SHROOM2: variants seen among roughly 807,000 people sequenced by gnomAD.
SHROOM2 encodes the protein shroom family member 2, also known as protein Shroom2.
In SHROOM2, 33 loss-of-function variants were observed where a neutral mutation model predicts 75.9. The ratio of observed to expected loss-of-function variants is 0.43; its 90% CI spans 0.33 to 0.58. The LOEUF (loss-of-function observed/expected upper bound fraction) is 0.58. SHROOM2 is among the 20% of genes least tolerant of loss of function. The pLI is 0.04. For synonymous variants in SHROOM2, 655 were observed against 663.6 expected, an observed-to-expected ratio of 0.99 and a Z score of 0.20; for missense variants, 1,434 against 1,461.2, an observed-to-expected ratio of 0.98 and a Z score of 0.30.
At chrX:9,791,866 A>G (rs2083649716) in intron 1 of SHROOM2, among the ~76,000 whole-genome samples, 1 of 109,132 alleles carries the variant, frequency 9.2e-6, no homozygotes. Context: ...GTGGTGGTGC[A>G]TGCCTGTAAT....
At chrX:9,835,307 C>T (rs762066546) in intron 1 of SHROOM2, among the ~76,000 whole-genome samples, 1 of 111,769 alleles carries the variant, frequency 8.9e-6, no homozygotes, top group African/African-American at 3.3e-5. Flanking sequence ...AAATAATTCC[C>T]GGGGCTCTGT....
At chrX:9,873,137 C>T (rs978370120) in intron 1 of SHROOM2, among the ~76,000 whole-genome samples, 14 of 111,907 alleles carry the variant, frequency 1.3e-4, no homozygotes, top group Middle Eastern at 9.2e-3. Context: ...GGATTGGAAA[C>T]CGAGTAGTAA....
Position 9,932,336 on chromosome X carries a change from AT to A in SHROOM2, c.3055del (p.Tyr1019IlefsTer33). The A allele has an allele frequency of 8.3e-7, 1 of 1,209,923 alleles. No homozygotes were observed. Among genetic ancestry groups the A allele is most frequent in the Non-Finnish European group, 1.1e-6 (1 of 894,621 alleles). On this transcript the variant is annotated frameshift_variant, in exon 6 of 10. Transcript: ENST00000380913. LOFTEE classifies it high-confidence loss of function. ...GRGRAGTLPR[D>X]YRYSEESTPA... is the part of the protein sequence containing the mutation. ...GGCCGAGCGGGAACCCTACCTCGAG[AT>A]TATAGATACTCGGAGGAGAGCACCC... is the stretch of plus-strand genomic sequence containing the variant.
chrX:9,786,704 C>T lies in SHROOM2; in HGVS notation c.159C>T (p.Ile53=), dbSNP rs2083615261. The T allele has an allele frequency of 3.4e-6, 3 of 886,232 alleles. No individual in the cohort carries two copies. The highest frequency in any genetic ancestry group is 4.1e-6 in the Non-Finnish European group (3 of 723,181). The allele number at this position is 886,232 out of a possible 1,213,427, so 73.0% of individuals were successfully genotyped here. A position where few individuals can be genotyped will look rare whatever the true frequency, so the allele number is the denominator to read the frequency against. Residue 53 remains isoleucine, a synonymous_variant, in exon 1 of 10, where the codon ATC becomes ATT. Transcript: ENST00000380913. ...GCGAGCACGGCGAGCCGCTGGTCAT[C>T]ACCAAGGTAAGGCGGCCGCGGGGCG... ...GGREHGEPLV[I]TKIEEGSKAA...
At chrX:9,821,361 A>G (rs1189721297) in intron 1 of SHROOM2, among the ~76,000 whole-genome samples, 4 of 111,931 alleles carry the variant, frequency 3.6e-5, no homozygotes, top group East Asian at 5.6e-4. Flanking sequence ...CTGAACCAGT[A>G]GAGGACGTGG....
chrX:9,819,125 A>T, intron 1 of SHROOM2: 1 of 1,204,115 alleles, frequency 8.3e-7, no homozygotes, highest in Admixed American at 2.2e-5. Flanking sequence ...GCATGCCTCG[A>T]TAGCCACAGG....
chrX:9,847,820 G>A (rs1332693144), intron 1 of SHROOM2, among the ~76,000 whole-genome samples: 1 of 112,151 alleles, frequency 8.9e-6, no homozygotes. Flanking sequence ...CACTTACAGT[G>A]TTGGCCAGTC....
intron 1 of SHROOM2, among the ~76,000 whole-genome samples, chrX:9,812,034 T>C (rs1204619936): frequency 8.9e-6 from 1 of 111,969 alleles, no homozygotes; most frequent in Non-Finnish European, 1.9e-5. Flanking sequence ...ATCCAGTTCA[T>C]GATAGGTAGT....
intron 1 of SHROOM2, among the ~76,000 whole-genome samples, chrX:9,791,962 C>G (rs1020580168): frequency 4.0e-4 from 9 of 22,235 alleles, no homozygotes; most frequent in Admixed American, 3.7e-3. Context: ...GAGCAAAACT[C>G]CATCTCGAGA....
intron 1 of SHROOM2, among the ~76,000 whole-genome samples, chrX:9,868,884 A>G (rs2084157030): frequency 9.4e-6 from 1 of 106,849 alleles, no homozygotes; most frequent in Non-Finnish European, 1.9e-5. Context: ...TCAGCCCTAG[A>G]CACAATTTTA....
chrX:9,821,406 T>C (rs1356641428), intron 1 of SHROOM2, among the ~76,000 whole-genome samples: 1 of 94,939 alleles, frequency 1.1e-5, no homozygotes, highest in Non-Finnish European at 2.2e-5. Flanking sequence ...AACTACAGCC[T>C]GAGCTTGCTT....
intron 3 of SHROOM2, 82 bp downstream of exon 3, chrX:9,891,190 A>G: frequency 9.6e-7 from 1 of 1,047,010 alleles, no homozygotes; most frequent in Non-Finnish European, 1.3e-6. Context: ...AATGATTTTG[A>G]TGTTTCTGAT....
At position 9,944,912 on chromosome X, in the gene SHROOM2, G is replaced by A. The variant is rs200309657; in HGVS notation, c.4583G>A (p.Arg1528Gln). The change falls in exon 9 of 10, where the codon CGG becomes CAG. Residue 1528 changes from arginine to glutamine, a missense_variant and splice_region_variant. By Grantham distance (43) the Arg-to-Gln change is conservative. Transcript: ENST00000380913. ...NLDDGASPGD[R>Q]QSLLEKQRVL... ...GACGACGGCGCTTCTCCCGGTGATCGGGTAAATGCAGATACGTCTGACTTG... is the reference window on the plus strand; with the variant it reads ...GACGACGGCGCTTCTCCCGGTGATCAGGTAAATGCAGATACGTCTGACTTG... 6.5e-4 allele frequency: 780 copies of A among 1,194,214 alleles called. No homozygotes were observed. The highest frequency in any genetic ancestry group is 8.5e-4 in the Non-Finnish European group (751 of 886,328).
intron 1 of SHROOM2, among the ~76,000 whole-genome samples, chrX:9,867,181 T>C (rs997061389): frequency 1.8e-5 from 2 of 111,692 alleles, no homozygotes; most frequent in Admixed American, 1.9e-4. Flanking sequence ...AACATTTCCA[T>C]GAGAACAATG....
In SHROOM2 at chrX:9,932,635, T is replaced by G; in HGVS notation, c.3352T>G (p.Phe1118Val). ...GTCCCTCTCCCACAGCCCCTCTGTG[T>G]TCAGCAGTGCCCAGCCCCAGGACAC... is the stretch of plus-strand genomic sequence containing the variant. ...RLSLSHSPSV[F>V]SSAQPQDTPK... is the part of the protein sequence containing the mutation. The change falls in exon 6 of 10, where the codon TTC (phenylalanine) becomes GTC (valine). Residue 1118 changes from phenylalanine (F) to valine (V), a missense_variant. Physicochemically the swap from Phe to Val is conservative, Grantham distance 50. Transcript: ENST00000380913. 1.7e-6 allele frequency: 2 copies of G among 1,210,824 alleles called. No individual in the cohort carries two copies. The highest frequency in any genetic ancestry group is 1.7e-5 in the African/African-American group (1 of 57,857).
At chrX:9,930,604 T>C (rs1448546336) in intron 5 of SHROOM2, among the ~76,000 whole-genome samples, 3 of 111,229 alleles carry the variant, frequency 2.7e-5, no homozygotes, top group African/African-American at 9.8e-5. Flanking sequence ...AAATGCAATG[T>C]GGGGGAGACA....
At chrX:9,835,546 G>A (rs2083939367) in intron 1 of SHROOM2, among the ~76,000 whole-genome samples, 1 of 112,329 alleles carries the variant, frequency 8.9e-6, no homozygotes, top group Non-Finnish European at 1.9e-5. Flanking sequence ...AGCAGCATTA[G>A]CATACACCAT....
chrX:9,937,328 G>C lies in SHROOM2; in HGVS notation c.3782G>C (p.Cys1261Ser), dbSNP rs2084721424. The change falls in exon 7 of 10, where the codon TGT becomes TCT. Residue 1261 changes from cysteine to serine, a missense_variant. Physicochemically the swap from Cys to Ser is moderately radical, Grantham distance 112. Coordinates refer to ENST00000380913, the MANE Select transcript of SHROOM2 (RefSeq NM_001649.4). ...TCTGAGCAGTTCTACTCGCGCTTCTGTCTGTACACGCGGCAGGGTGCTGAG... is the reference window on the plus strand; with the variant it reads ...TCTGAGCAGTTCTACTCGCGCTTCTCTCTGTACACGCGGCAGGGTGCTGAG... Reference protein sequence around the residue: ...STSEQFYSRFCLYTRQGAEPE... With the variant: ...STSEQFYSRFSLYTRQGAEPE... 1 of 1,206,896 alleles carries C rather than the reference G, an allele frequency of 8.3e-7. No homozygotes were observed. The highest frequency in any genetic ancestry group is 2.3e-4 in the Middle Eastern group (1 of 4,342).
At chrX:9,907,080 G>A (rs778485534) in intron 5 of SHROOM2, among the ~76,000 whole-genome samples, 5 of 110,987 alleles carry the variant, frequency 4.5e-5, no homozygotes, top group African/African-American at 1.3e-4. Context: ...CTGTCCCACC[G>A]GACCCAGCAG....
Sources: gnomAD v4.1 joint callset for allele counts (sites outside exome capture counted in the v4.1 genomes callset) on GRCh38, gnomAD v4.1.1 for gene constraint, MANE v1.5 for transcripts, NCBI Gene and HGNC (gene_info 2026-07-23, HGNC 2026-07-21) for gene names.